The following SLC44A3 variants were observed in gnomAD, a reference collection of about 807,000 sequenced individuals.
SLC44A3 encodes solute carrier family 44 member 3, also known as choline transporter-like protein 3.
SLC44A3 carries 74 observed loss-of-function variants against 75.4 expected under a neutral mutation model. The ratio of observed to expected loss-of-function variants is 0.98; its 90% confidence interval spans 0.81 to 1.19. The LOEUF (loss-of-function observed/expected upper bound fraction) is 1.19. SLC44A3 is among the 50% of genes most tolerant of loss of function. SLC44A3 has a pLI of 0.00. For missense variants in SLC44A3, 700 were observed against 778.6 expected, an observed-to-expected ratio of 0.90 and a Z score of 1.20; for synonymous variants, 310 against 296.9, an observed-to-expected ratio of 1.04 and a Z score of -0.45.
Position 94,865,965 on chromosome 1 carries a change from G to A in SLC44A3, c.1395+1066G>A, listed in dbSNP as rs150165846. Reference sequence around the variant, plus strand: ...TAAAATTATCTGGCTTCCTTATCTGGAAATGCATGCTAAGCAGTTGCCCCT... The same window carrying A: ...TAAAATTATCTGGCTTCCTTATCTGAAAATGCATGCTAAGCAGTTGCCCCT... On this transcript the variant is annotated intron_variant, in intron 11 of 14. Transcript: ENST00000271227. Among the ~76,000 whole-genome samples, 972 of 152,268 alleles carry A rather than the reference G, an allele frequency of 6.4e-3. 3 individuals carry two copies. Among genetic ancestry groups the A allele is most frequent in the Non-Finnish European group, 9.6e-3 (650 of 68,020 alleles).
intron 9 of SLC44A3, among the ~76,000 whole-genome samples, chr1:94,850,557 C>T (rs1665091807): frequency 1.3e-5 from 2 of 152,302 alleles, no homozygotes; most frequent in East Asian, 1.9e-4. Flanking sequence ...AAGGGGTGAG[C>T]TTGGAAAGGA....
chr1:94,867,512 G>C (rs859096), intron 12 of SLC44A3, 95 bp downstream of exon 12: 1 of 876,638 alleles, frequency 1.1e-6, no homozygotes, highest in Non-Finnish European at 1.7e-6. Context: ...TCTCTAAGGG[G>C]CTAAATTGTG....
At chr1:94,874,462 T>G (rs1357840857) in intron 12 of SLC44A3, among the ~76,000 whole-genome samples, 1 of 152,208 alleles carries the variant, frequency 6.6e-6, no homozygotes, top group African/African-American at 2.4e-5. Flanking sequence ...CATGTTAAAT[T>G]GGACTCTGAA....
chr1:94,837,923 C>T (rs757968180), intron 6 of SLC44A3, 52 bp downstream of exon 6: 32 of 1,447,246 alleles, frequency 2.2e-5, no homozygotes, highest in Admixed American at 1.6e-4. Flanking sequence ...TGCCAAAGTT[C>T]CTAGCATTTT....
chr1:94,851,698 G>A (rs767811073), intron 9 of SLC44A3, among the ~76,000 whole-genome samples: 3 of 152,206 alleles, frequency 2.0e-5, no homozygotes, highest in African/African-American at 4.8e-5. Flanking sequence ...TAATCCTCAT[G>A]CTGCCAGAGC....
In SLC44A3 at chr1:94,824,543, C is replaced by T. The variant is rs1458054490; in HGVS notation, c.186C>T (p.Leu62=). 6.2e-7 allele frequency: 1 copy of T among 1,612,254 alleles called. No individual in the cohort carries two copies. Among genetic ancestry groups the T allele is most frequent in the Non-Finnish European group, 8.5e-7 (1 of 1,179,564 alleles). Residue 62 remains leucine (L), a synonymous_variant, in exon 3 of 15, where the codon CTC becomes CTT. Coordinates refer to ENST00000271227, the MANE Select transcript of SLC44A3 (RefSeq NM_001114106.3). ...TGGCTGGAGCCGCGGGAAGACTCCT[C>T]TTTGGCTATGACAGCTTTGGCAACA... is the stretch of plus-strand genomic sequence containing the variant. The part of the protein sequence containing the change: ...SVVAGAAGRL[L]FGYDSFGNMC...
intron 2 of SLC44A3, among the ~76,000 whole-genome samples, chr1:94,822,452 T>C (rs1660743588): frequency 6.6e-6 from 1 of 152,236 alleles, no homozygotes. Flanking sequence ...CATTTTTTAT[T>C]TGCAGGTATT....
Position 94,824,481 on chromosome 1 carries a change from C to T in SLC44A3, c.136-12C>T, listed in dbSNP as rs374087822. 41 of 1,586,242 alleles carry T rather than the reference C, an allele frequency of 2.6e-5. No homozygotes were observed. Among genetic ancestry groups the T allele is most frequent in the Middle Eastern group, 1.7e-4 (1 of 5,774 alleles). ...CTTTGGCCAGGCTCTCATATGCCCCCGTTTTTGCCAGGTGTTTATCATGGG... is the reference window on the plus strand; with the variant it reads ...CTTTGGCCAGGCTCTCATATGCCCCTGTTTTTGCCAGGTGTTTATCATGGG... On this transcript the variant is annotated splice_polypyrimidine_tract_variant and intron_variant, in intron 2 of 14. Coordinates refer to ENST00000271227, the MANE Select transcript of SLC44A3 (RefSeq NM_001114106.3).
At chr1:94,825,684 G>A in intron 3 of SLC44A3, 1 of 336,578 alleles carries the variant, frequency 3.0e-6, no homozygotes, top group South Asian at 2.3e-5. Flanking sequence ...GAAATCCTAA[G>A]GATCTAAATA....
Position 94,820,931 on chromosome 1 carries a change from T to G in SLC44A3, c.28-18T>G, listed in dbSNP as rs1660479250. 1.3e-6 allele frequency: 2 copies of G among 1,546,566 alleles called. No homozygotes were observed. On this transcript the variant is annotated intron_variant, in intron 1 of 14. Transcript: ENST00000271227. Reference sequence around the variant, plus strand: ...ACCTGTTTATCTTCTTTTTCTCAACTCTCCCTTTTTCTGGAAGGTTTCTGC... The same window carrying G: ...ACCTGTTTATCTTCTTTTTCTCAACGCTCCCTTTTTCTGGAAGGTTTCTGC...
At chr1:94,893,140 G>C (rs1174418038) in intron 14 of SLC44A3, among the ~76,000 whole-genome samples, 1 of 152,232 alleles carries the variant, frequency 6.6e-6, no homozygotes, top group Admixed American at 6.5e-5. Context: ...ATCCTGGGTA[G>C]ACAGGGATAT....
chr1:94,879,605 G>A (rs577991904), intron 12 of SLC44A3, among the ~76,000 whole-genome samples: 69 of 150,076 alleles, frequency 4.6e-4, no homozygotes, highest in Non-Finnish European at 8.7e-4. Context: ...TTTGGGAGGC[G>A]GAGGTGGGCA....
In SLC44A3 at chr1:94,889,553, C is replaced by CACACA. The variant is rs370393089; in HGVS notation, c.1483-1576_1483-1575insCACAA. 5.1e-3 allele frequency among the ~76,000 whole-genome samples: 762 copies of CACACA among 149,508 alleles called. 5 individuals carry two copies. The highest frequency in any genetic ancestry group is 0.01 in the African/African-American group (416 of 40,608). ...ACACACACACACACACACACACACACATTTGTAGTCTTTGATATAGTAATC... is the reference window on the plus strand; with the variant it reads ...ACACACACACACACACACACACACACACACAATTTGTAGTCTTTGATATAGTAATC... On this transcript the variant is annotated intron_variant, in intron 12 of 14. Transcript: ENST00000271227.
At chr1:94,855,909 T>C (rs187720996) in intron 9 of SLC44A3, among the ~76,000 whole-genome samples, 1 of 152,346 alleles carries the variant, frequency 6.6e-6, no homozygotes, top group Admixed American at 6.5e-5. Flanking sequence ...TTCTTCCCAG[T>C]AGTAGTTGTT....
At chr1:94,881,549 A>C (rs561532712) in intron 12 of SLC44A3, among the ~76,000 whole-genome samples, 11 of 151,106 alleles carry the variant, frequency 7.3e-5, no homozygotes, top group Non-Finnish European at 1.5e-4. Flanking sequence ...CTAAAAATAC[A>C]AAAAATTAGC....
chr1:94,846,728 A>G (rs971758929), intron 9 of SLC44A3, among the ~76,000 whole-genome samples: 2 of 152,238 alleles, frequency 1.3e-5, no homozygotes, highest in Admixed American at 6.5e-5. Flanking sequence ...GCAAGTACAA[A>G]AGAGTAAGTG....
Position 94,820,484 on chromosome 1 carries a change from C to T in SLC44A3, c.27+6C>T. The T allele has an allele frequency of 6.7e-7, 1 of 1,494,338 alleles. No homozygotes were observed. 92.6% of individuals were successfully genotyped at this position (1,494,338 alleles called of 1,614,324 possible). A position where few individuals can be genotyped will look rare whatever the true frequency, so the allele number is the denominator to read the frequency against. On this transcript the variant is annotated splice_donor_region_variant and intron_variant, in intron 1 of 14. Coordinates refer to ENST00000271227, the MANE Select transcript of SLC44A3 (RefSeq NM_001114106.3). ...GCCTGGGCGCCGAGTACCTGGTAAG[C>T]GCTCGCAGCCTCGGCCCTCGGGGGA...
intron 5 of SLC44A3, among the ~76,000 whole-genome samples, chr1:94,833,597 G>C (rs1662413996): frequency 1.3e-5 from 2 of 152,168 alleles, no homozygotes; most frequent in South Asian, 4.1e-4. Context: ...TAACTCCCCA[G>C]CTGTAGCTCT....
intron 12 of SLC44A3, among the ~76,000 whole-genome samples, chr1:94,886,288 T>TC (rs1319931736): frequency 1.3e-5 from 2 of 152,074 alleles, no homozygotes; most frequent in African/African-American, 2.4e-5. Context: ...GACCTGAACT[T>TC]CCCCAGGGCA....
Sources: gnomAD v4.1 joint callset for allele counts (sites outside exome capture counted in the v4.1 genomes callset) on GRCh38, gnomAD v4.1.1 for gene constraint, MANE v1.5 for transcripts, NCBI Gene and HGNC (gene_info 2026-07-23, HGNC 2026-07-21) for gene names.